Variants in CD47 observed in about 807,000 individuals in gnomAD.
The protein encoded by CD47 is CD47 molecule.
A neutral mutation model predicts 44.6 loss-of-function variants in CD47; 11 were observed. That is an observed-to-expected ratio of 0.25 (90% confidence interval 0.16 to 0.41). The LOEUF is 0.41. Ranked by LOEUF, CD47 falls within the 10% of genes least tolerant of loss-of-function variation. The probability of loss-of-function intolerance (pLI) is 1.00; values close to 1 mark genes in which losing one functional copy is unlikely to be tolerated. For missense variants in CD47, 306 were observed against 386.7 expected (o/e 0.79, Z 1.75); for synonymous variants, 140 against 136.3 (o/e 1.03, Z -0.19).
intron 3 of CD47, among the ~76,000 whole-genome samples, chr3:108,061,081 A>C (rs1447827618): frequency 1.3e-5 from 2 of 151,654 alleles, no homozygotes; most frequent in African/African-American, 4.8e-5. Flanking sequence ...TTATTTTCCT[A>C]CACTAACAAA....
intron 3 of CD47, among the ~76,000 whole-genome samples, chr3:108,066,198 T>C (rs1246671344): frequency 6.6e-6 from 1 of 151,978 alleles, no homozygotes; most frequent in Admixed American, 6.6e-5. Context: ...CAAAGACATC[T>C]GAGCCGTAAC....
At chr3:108,090,777 G>A (rs2079619630) in intron 1 of CD47, 86 bp downstream of exon 1, 4 of 1,265,366 alleles carry the variant, frequency 3.2e-6, no homozygotes, top group South Asian at 1.7e-5. Context: ...TCTTCAGGGC[G>A]CCGCCGGGCT....
intron 2 of CD47, among the ~76,000 whole-genome samples, chr3:108,075,605 T>C (rs4131094): frequency 0.23 from 34,447 of 152,102 alleles, 4,200 homozygotes; most frequent in Middle Eastern, 0.27. Context: ...AATTCTAAGG[T>C]GGTCCCAAAA....
At chr3:108,063,315 A>G (rs894925077) in intron 3 of CD47, among the ~76,000 whole-genome samples, 1 of 152,234 alleles carries the variant, frequency 6.6e-6, no homozygotes, top group Non-Finnish European at 1.5e-5. Flanking sequence ...GGCATTCTGG[A>G]TAACGGACAC....
intron 3 of CD47, among the ~76,000 whole-genome samples, chr3:108,065,811 CAAAAAAAAAAAAAAA>C (rs58021560): frequency 0.014 from 885 of 61,228 alleles, 19 homozygotes; most frequent in African/African-American, 0.052. Context: ...GACTCCGTCT[CAAAAAAAAAAAAAAA>C]AAAAAAAAAA....
intron 9 of CD47, 30 bp downstream of exon 9, chr3:108,050,548 T>G: frequency 9.0e-7 from 1 of 1,108,944 alleles, no homozygotes; most frequent in Non-Finnish European, 1.3e-6. Context: ...TATGATCTGG[T>G]AAAGGATTAA....
chr3:108,074,316 T>C (rs1284424126), intron 2 of CD47, among the ~76,000 whole-genome samples: 1 of 149,426 alleles, frequency 6.7e-6, no homozygotes, highest in Non-Finnish European at 1.5e-5. Flanking sequence ...TAAGTGATTC[T>C]TTTTTTTTTA....
At chr3:108,065,768 C>T (rs1030492376) in intron 3 of CD47, among the ~76,000 whole-genome samples, 7 of 135,030 alleles carry the variant, frequency 5.2e-5, no homozygotes, top group Non-Finnish European at 7.6e-5. Context: ...GCCGAGATCA[C>T]GCCACTGCAC....
chr3:108,065,774 T>G (rs1164737080), intron 3 of CD47, among the ~76,000 whole-genome samples: 1 of 118,292 alleles, frequency 8.5e-6, no homozygotes, highest in Non-Finnish European at 1.6e-5. Context: ...ATCACGCCAC[T>G]GCACTCCAGC....
intron 1 of CD47, among the ~76,000 whole-genome samples, chr3:108,087,686 G>A (rs1051403761): frequency 1.3e-5 from 2 of 152,128 alleles, no homozygotes; most frequent in East Asian, 1.9e-4. Context: ...ACCTACAAGT[G>A]TGATATATAT....
Position 108,049,630 on chromosome 3 carries a change from A to C in CD47, c.956T>G (p.Met319Arg). Reference sequence around the variant, plus strand: ...CATTTTATACTTACCATCATTCATCATTCCTTTTGATTCTTTGAATGCTAG... The same window carrying C: ...CATTTTATACTTACCATCATTCATCCTTCCTTTTGATTCTTTGAATGCTAG... ...PLNAFKESKG[M>R]MNDE Residue 319 changes from methionine (M) to arginine (R), a missense_variant, in exon 10 of 11, where the codon ATG becomes AGG. Transcript: ENST00000361309. 6.3e-7 allele frequency: 1 copy of C among 1,593,270 alleles called. No homozygotes were observed. Among genetic ancestry groups the C allele is most frequent in the Non-Finnish European group, 8.6e-7 (1 of 1,161,118 alleles).
chr3:108,060,326 G>C (rs1392728090), intron 4 of CD47, among the ~76,000 whole-genome samples: 1 of 152,198 alleles, frequency 6.6e-6, no homozygotes, highest in African/African-American at 2.4e-5. Flanking sequence ...TGGATTATAT[G>C]AGTGGGCTCT....
In CD47 at chr3:108,078,242, T is replaced by C. The variant is rs111750603; in HGVS notation, c.400+1749A>G. Among the ~76,000 whole-genome samples the C allele has an allele frequency of 4.6e-3, 693 of 152,212 alleles. 3 individuals carry two copies. The highest frequency in any genetic ancestry group is 0.016 in the African/African-American group (652 of 41,572). On this transcript the variant is annotated intron_variant, in intron 2 of 10. Coordinates refer to ENST00000361309, the MANE Select transcript of CD47 (RefSeq NM_001777.4). ...TACATTCTCTATAATAAAACAATAC[T>C]TTCTCCTTTTAATGGCTCCCAAAAT...
Position 108,072,704 on chromosome 3 carries a change from C to A in CD47, c.401-1522G>T, listed in dbSNP as rs151216934. Among the ~76,000 whole-genome samples the A allele has an allele frequency of 1.6e-3, 238 of 152,182 alleles. 4 individuals carry two copies. The East Asian group carries it at 0.043, about 27-fold the overall frequency. ...AAAGTCACTTCAGTATAGCCTAAAA[C>A]CCTACCAGGAAAAAATTTTGGAGAT... On this transcript the variant is annotated intron_variant, in intron 2 of 10. Coordinates refer to ENST00000361309, the MANE Select transcript of CD47 (RefSeq NM_001777.4).
At chr3:108,047,501 AAC>A (rs1218812284) in intron 10 of CD47, among the ~76,000 whole-genome samples, 2 of 152,266 alleles carry the variant, frequency 1.3e-5, no homozygotes, top group East Asian at 3.8e-4. Context: ...GTAAAAAATC[AAC>A]AGAGTCTGAT....
chr3:108,055,240 A>G (rs2078894163), intron 7 of CD47, among the ~76,000 whole-genome samples: 1 of 152,238 alleles, frequency 6.6e-6, no homozygotes, highest in Non-Finnish European at 1.5e-5. Flanking sequence ...TCATAGCGAC[A>G]TTAACTTCTT....
chr3:108,090,128 C>G (rs2079601943), intron 1 of CD47, among the ~76,000 whole-genome samples: 1 of 152,076 alleles, frequency 6.6e-6, no homozygotes, highest in South Asian at 2.1e-4. Context: ...TAAAACGGTT[C>G]CCCCAAATAA....
At chr3:108,073,734 A>G (rs2079253784) in intron 2 of CD47, among the ~76,000 whole-genome samples, 1 of 152,176 alleles carries the variant, frequency 6.6e-6, no homozygotes, top group Non-Finnish European at 1.5e-5. Context: ...TAGGGAAGAA[A>G]AATAACCTGA....
At chr3:108,058,523 A>G in intron 5 of CD47, 94 bp from the exon 6 acceptor site, 1 of 730,814 alleles carries the variant, frequency 1.4e-6, no homozygotes, top group South Asian at 2.0e-5. Context: ...GGATCTCCTA[A>G]GACCAAAGAC....
Sources: allele counts gnomAD v4.1 joint callset (sites outside exome capture counted in the v4.1 genomes callset), GRCh38; gene constraint gnomAD v4.1.1; transcripts MANE v1.5; gene names NCBI Gene and HGNC (gene_info 2026-07-23, HGNC 2026-07-21).